The following KCNT2 variants were observed in gnomAD, a reference collection of about 807,000 sequenced individuals.
The protein encoded by KCNT2 is potassium channel subfamily T member 2.
KCNT2 carries 67 observed loss-of-function variants against 153.8 expected under a neutral mutation model. The observed-to-expected ratio is 0.44, with a 90% confidence interval of 0.36 to 0.53. KCNT2 has a LOEUF of 0.53. Among genes scored for constraint, KCNT2 ranks in the 20% least tolerant of loss-of-function variants. The probability of loss-of-function intolerance (pLI) is 0.00; values close to 1 mark genes in which losing one functional copy is unlikely to be tolerated. For synonymous variants in KCNT2, 500 were observed against 458.8 expected (o/e 1.09, Z -1.15); for missense variants, 975 against 1,354.8 (o/e 0.72, Z 4.40).
chr1:196,548,385 C>T lies in KCNT2; in HGVS notation c.96-56044G>A, dbSNP rs528556258. Among the ~76,000 whole-genome samples, 39 of 152,162 alleles carry T rather than the reference C, an allele frequency of 2.6e-4. No homozygotes were observed. The South Asian group carries it at 8.1e-3, about 32-fold the overall frequency. On this transcript the variant is annotated intron_variant, in intron 1 of 27. Coordinates refer to ENST00000294725, the MANE Select transcript of KCNT2 (RefSeq NM_198503.5). ...CACTTCTCAAAAGAAGACTTTTATGCAGCCAAAAAACACATGAAAAAATGC... is the reference window on the plus strand; with the variant it reads ...CACTTCTCAAAAGAAGACTTTTATGTAGCCAAAAAACACATGAAAAAATGC...
chr1:196,385,772 A>AAAAT lies in KCNT2; in HGVS notation c.1295-12525_1295-12524insATTT, dbSNP rs747480460. ...TATGGCACCATTTCTGCATTAAAAAAATATATATATATATATATATTTTGG... is the reference window on the plus strand; with the variant it reads ...TATGGCACCATTTCTGCATTAAAAAAAAATATATATATATATATATATATTTTGG... On this transcript the variant is annotated intron_variant, in intron 13 of 27. Transcript: ENST00000294725. Among the ~76,000 whole-genome samples, 1,446 of 148,480 alleles carry AAAAT rather than the reference A, an allele frequency of 9.7e-3. 29 individuals are homozygous for AAAAT. The highest frequency in any genetic ancestry group is 0.053 in the South Asian group (247 of 4,688).
At chr1:196,249,732 G>A (rs1655782741) in intron 26 of KCNT2, among the ~76,000 whole-genome samples, 1 of 151,582 alleles carries the variant, frequency 6.6e-6, no homozygotes, top group Non-Finnish European at 1.5e-5. Flanking sequence ...CTGACATCAT[G>A]CCACTGCACT....
chr1:196,447,374 C>T (rs1675775838), intron 8 of KCNT2, among the ~76,000 whole-genome samples: 1 of 151,526 alleles, frequency 6.6e-6, no homozygotes. Context: ...AAGTAAAGAA[C>T]ATACAAGGAA....
At position 196,465,390 on chromosome 1, in the gene KCNT2, A is replaced by G. The variant is rs1429036237; in HGVS notation, c.544-3T>C. On this transcript the variant is annotated splice_polypyrimidine_tract_variant and splice_region_variant and intron_variant, in intron 7 of 27. Coordinates refer to ENST00000294725, the MANE Select transcript of KCNT2 (RefSeq NM_198503.5). Reference sequence around the variant, plus strand: ...TGAATGGCTCTGTGTAGATCATTCTAAAATAATACAGAAAAAAAGTTGTAA... The same window carrying G: ...TGAATGGCTCTGTGTAGATCATTCTGAAATAATACAGAAAAAAAGTTGTAA... 1 of 1,545,824 alleles carries G rather than the reference A, an allele frequency of 6.5e-7. No individual in the cohort carries two copies. Among genetic ancestry groups the G allele is most frequent in the Non-Finnish European group, 8.9e-7 (1 of 1,127,014 alleles).
At chr1:196,346,444 A>G (rs1666150721) in intron 14 of KCNT2, among the ~76,000 whole-genome samples, 1 of 152,128 alleles carries the variant, frequency 6.6e-6, no homozygotes, top group Non-Finnish European at 1.5e-5. Context: ...CAAACACCAA[A>G]TTCCTAATTA....
At chr1:196,506,840 C>A (rs1681184210) in intron 1 of KCNT2, among the ~76,000 whole-genome samples, 1 of 152,108 alleles carries the variant, frequency 6.6e-6, no homozygotes, top group Non-Finnish European at 1.5e-5. Flanking sequence ...CTTTCCCACA[C>A]CTGCTGTTCC....
intron 16 of KCNT2, 138 bp from the exon 17 acceptor site, chr1:196,334,198 A>G (rs1015277860): frequency 1.5e-5 from 9 of 596,470 alleles, no homozygotes; most frequent in Non-Finnish European, 2.3e-5. Flanking sequence ...CGTGTGGTGT[A>G]TAAGTTTAGT....
chr1:196,447,390 AACATTTAGTTCAAAACCC>A (rs1442451906), intron 8 of KCNT2, among the ~76,000 whole-genome samples: 1 of 151,646 alleles, frequency 6.6e-6, no homozygotes, highest in Non-Finnish European at 1.5e-5. Context: ...AGGAATCAGA[AACATTTAGTTCAAAACCC>A]ACACGTCAGG....
chr1:196,400,182 G>C (rs1386431605), intron 12 of KCNT2, among the ~76,000 whole-genome samples: 1 of 151,598 alleles, frequency 6.6e-6, no homozygotes, highest in Non-Finnish European at 1.5e-5. Context: ...AATTTTACAT[G>C]CTTTTAAATC....
intron 1 of KCNT2, among the ~76,000 whole-genome samples, chr1:196,561,693 AT>A (rs1311817839): frequency 2.0e-4 from 29 of 144,298 alleles, no homozygotes; most frequent in Non-Finnish European, 4.0e-4. Flanking sequence ...AGAAGAAAGA[AT>A]AGAAGAACAG....
intron 1 of KCNT2, among the ~76,000 whole-genome samples, chr1:196,517,628 G>A (rs150930465): frequency 1.3e-4 from 20 of 152,230 alleles, no homozygotes; most frequent in Non-Finnish European, 2.8e-4. Flanking sequence ...CAATGCAATC[G>A]CAAGTATTAA....
At chr1:196,498,201 T>C (rs1448865630) in intron 1 of KCNT2, among the ~76,000 whole-genome samples, 1 of 152,212 alleles carries the variant, frequency 6.6e-6, no homozygotes, top group Non-Finnish European at 1.5e-5. Flanking sequence ...TAAATTTAAA[T>C]CAGGCCTCGT....
chr1:196,329,594 A>G (rs2148088802), intron 18 of KCNT2, among the ~76,000 whole-genome samples: 1 of 151,862 alleles, frequency 6.6e-6, no homozygotes, highest in South Asian at 2.1e-4. Flanking sequence ...AGCATATATT[A>G]TTTTAAGATT....
chr1:196,343,508 C>G (rs1009821935), intron 14 of KCNT2, among the ~76,000 whole-genome samples: 1 of 152,000 alleles, frequency 6.6e-6, no homozygotes, highest in African/African-American at 2.4e-5. Flanking sequence ...CAAAACAGAT[C>G]ACAAGACATT....
rs140325727 is a variant in KCNT2, at chr1:196,518,687, C to G, written c.96-26346G>C. Among the ~76,000 whole-genome samples the G allele has an allele frequency of 5.4e-4, 82 of 152,010 alleles. 1 individual carries two copies. The highest frequency in any genetic ancestry group is 1.9e-3 in the African/African-American group (79 of 41,498). ...ACAACAAAAATGATGGAAAAAAAAG[C>G]ACATTACATAATGGTAAAGGGTTCA... is the stretch of plus-strand genomic sequence containing the variant. On this transcript the variant is annotated intron_variant, in intron 1 of 27. Coordinates refer to ENST00000294725, the MANE Select transcript of KCNT2 (RefSeq NM_198503.5).
At chr1:196,437,894 C>T (rs1674867388) in intron 8 of KCNT2, among the ~76,000 whole-genome samples, 1 of 151,344 alleles carries the variant, frequency 6.6e-6, no homozygotes, top group African/African-American at 2.4e-5. Context: ...AGGTCTTTCA[C>T]CCAGTCTGGT....
At chr1:196,579,784 C>A (rs974162963) in intron 1 of KCNT2, among the ~76,000 whole-genome samples, 5 of 152,136 alleles carry the variant, frequency 3.3e-5, no homozygotes, top group African/African-American at 1.2e-4. Flanking sequence ...TGAGCCACCA[C>A]ACTCCTCCCA....
chr1:196,382,681 T>A (rs894728573), intron 13 of KCNT2, among the ~76,000 whole-genome samples: 1 of 152,122 alleles, frequency 6.6e-6, no homozygotes, highest in Non-Finnish European at 1.5e-5. Context: ...TGAACATAAA[T>A]TAACATTTGG....
At position 196,263,238 on chromosome 1, in the gene KCNT2, A is replaced by C. The variant is rs577798450; in HGVS notation, c.2911-4744T>G. The stretch of plus-strand genomic sequence containing the variant: ...TGTGCAGAACGTGCAGGTTTGTTAC[A>C]TAGGTATACATATGCCATGATGGTT... On this transcript the variant is annotated intron_variant, in intron 25 of 27. Transcript: ENST00000294725. Among the ~76,000 whole-genome samples the C allele has an allele frequency of 2.2e-3, 336 of 151,862 alleles. 3 individuals are homozygous for C. The highest frequency in any genetic ancestry group is 7.9e-3 in the African/African-American group (328 of 41,384).
Sources: gnomAD v4.1 joint callset for allele counts (sites outside exome capture counted in the v4.1 genomes callset) on GRCh38, gnomAD v4.1.1 for gene constraint, MANE v1.5 for transcripts, NCBI Gene and HGNC (gene_info 2026-07-23, HGNC 2026-07-21) for gene names.